RAB27A: variants seen among roughly 807,000 people sequenced by gnomAD.
RAB27A encodes RAB27A, member RAS oncogene family.
A neutral mutation model predicts 20.8 loss-of-function variants in RAB27A; 17 were observed. The observed-to-expected ratio is 0.82, with a 90% CI of 0.56 to 1.23. RAB27A has a LOEUF of 1.23. Among genes scored for constraint, RAB27A ranks in the 50% most tolerant of loss-of-function variants. RAB27A has a pLI of 0.00. For missense variants in RAB27A, 277 were observed against 266.7 expected (o/e 1.04, Z -0.27); for synonymous variants, 85 against 92.8 (o/e 0.92, Z 0.48).
chr15:55,235,319 A>C (rs1896210052), intron 2 of RAB27A, among the ~76,000 whole-genome samples: 1 of 151,994 alleles, frequency 6.6e-6, no homozygotes, highest in Non-Finnish European at 1.5e-5. Flanking sequence ...ATGGTGGTGC[A>C]TGCCTATAAT....
chr15:55,205,742 A>C, intron 6 of RAB27A, 37 bp from the exon 7 acceptor site: 1 of 1,532,616 alleles, frequency 6.5e-7, no homozygotes, highest in Non-Finnish European at 9.0e-7. Context: ...CAACATGTGG[A>C]GGGAAAGGAG....
At chr15:55,237,174 T>C (rs893727448) in intron 2 of RAB27A, 7 of 152,226 alleles carry the variant, frequency 4.6e-5, no homozygotes, top group African/African-American at 1.7e-4. Flanking sequence ...CCCAGCACCA[T>C]ATCCAGAAAC....
At chr15:55,300,275 T>C (rs2054966534) in intron 2 of RAB27A, among the ~76,000 whole-genome samples, 1 of 152,132 alleles carries the variant, frequency 6.6e-6, no homozygotes, top group South Asian at 2.1e-4. Context: ...TATATATAAG[T>C]ATACATAGAC....
rs113276554 is a variant in RAB27A, at chr15:55,278,484, T to TA, written c.-142-8201_-142-8200insT. Reference sequence around the variant, plus strand: ...TATTCAGTCTTCTAATCATTATTATTTTTTTTTTTTTTTTTTGAGAGGGAG... The same window carrying TA: ...TATTCAGTCTTCTAATCATTATTATTATTTTTTTTTTTTTTTTGAGAGGGAG... On this transcript the variant is annotated intron_variant, in intron 1 of 6. Coordinates refer to ENST00000336787, the MANE Select transcript of RAB27A (RefSeq NM_183235.3). 9.4e-4 allele frequency among the ~76,000 whole-genome samples: 49 copies of TA among 52,286 alleles called. 1 individual carries two copies. The East Asian group carries it at 0.029, about 31-fold the overall frequency. The allele number at this position is 52,286 out of a possible 152,430, so 34.3% of individuals were successfully genotyped here. A position where few individuals can be genotyped will look rare whatever the true frequency, so the allele number is the denominator to read the frequency against.
At chr15:55,226,535 G>C (rs1895804610) in intron 5 of RAB27A, among the ~76,000 whole-genome samples, 2 of 151,910 alleles carry the variant, frequency 1.3e-5, no homozygotes, top group East Asian at 3.9e-4. Flanking sequence ...GTGTGTGTGT[G>C]AGTGTGTATT....
At chr15:55,256,243 T>C (rs1897074693) in intron 2 of RAB27A, among the ~76,000 whole-genome samples, 1 of 151,764 alleles carries the variant, frequency 6.6e-6, no homozygotes, top group East Asian at 1.9e-4. Context: ...AATGAGATGC[T>C]GTTGTACAAA....
At chr15:55,300,943 T>A (rs1200172336) in intron 2 of RAB27A, among the ~76,000 whole-genome samples, 1 of 152,182 alleles carries the variant, frequency 6.6e-6, no homozygotes, top group Non-Finnish European at 1.5e-5. Flanking sequence ...ATAACCATTC[T>A]CTTGCTCTTT....
rs917788383 is a variant in RAB27A, at chr15:55,256,802, G to T, written c.-23+13363C>A. On this transcript the variant is annotated intron_variant, in intron 2 of 6. Coordinates refer to ENST00000336787, the MANE Select transcript of RAB27A (RefSeq NM_183235.3). The stretch of plus-strand genomic sequence containing the variant: ...CTGCAGGCCTTGTTTTATCAAATAT[G>T]AAATAAGAGGTTTGACCACAATGGT... 1.1e-4 allele frequency among the ~76,000 whole-genome samples: 17 copies of T among 152,304 alleles called. No individual in the cohort carries two copies. The South Asian group carries it at 2.5e-3, about 22-fold the overall frequency.
chr15:55,249,671 G>C (rs1896817076), intron 2 of RAB27A, among the ~76,000 whole-genome samples: 1 of 152,148 alleles, frequency 6.6e-6, no homozygotes, highest in Admixed American at 6.5e-5. Context: ...TTCTAGTCAA[G>C]CTAGTTAGTT....
intron 2 of RAB27A, among the ~76,000 whole-genome samples, chr15:55,295,196 G>C (rs900440855): frequency 6.6e-6 from 1 of 152,064 alleles, no homozygotes; most frequent in Non-Finnish European, 1.5e-5. Flanking sequence ...GAAAGAGAAA[G>C]AAGGAAGGAG....
At chr15:55,262,932 T>C (rs1366406635) in intron 2 of RAB27A, among the ~76,000 whole-genome samples, 1 of 152,188 alleles carries the variant, frequency 6.6e-6, no homozygotes, top group Non-Finnish European at 1.5e-5. Flanking sequence ...CATATTTTTA[T>C]CAGGTCAAGG....
At chr15:55,290,891 C>G (rs1351117643), upstream of RAB27A, among the ~76,000 whole-genome samples, 1 of 152,218 alleles carries the variant, frequency 6.6e-6, no homozygotes, top group Non-Finnish European at 1.5e-5. Flanking sequence ...CCTTCTAAGC[C>G]GTCTCGCTGA....
chr15:55,259,991 A>AATTGC (rs1323137181), intron 2 of RAB27A: 1 of 152,218 alleles, frequency 6.6e-6, no homozygotes, highest in Non-Finnish European at 1.5e-5. Flanking sequence ...TTCTTATTGG[A>AATTGC]ATTGCATTGC....
chr15:55,210,642 G>A (rs953898450), intron 6 of RAB27A, among the ~76,000 whole-genome samples: 1 of 151,932 alleles, frequency 6.6e-6, no homozygotes, highest in Non-Finnish European at 1.5e-5. Context: ...TGAGTTATTT[G>A]AGCCCCTTAT....
At chr15:55,228,885 C>T (rs745621830) in intron 4 of RAB27A, among the ~76,000 whole-genome samples, 173 bp from the exon 5 acceptor site, 4 of 152,152 alleles carry the variant, frequency 2.6e-5, no homozygotes, top group Non-Finnish European at 5.9e-5. Context: ...TAAGTGTTAA[C>T]AGACCATGTG....
intron 5 of RAB27A, among the ~76,000 whole-genome samples, chr15:55,228,312 T>A (rs552296891): frequency 1.4e-4 from 21 of 152,310 alleles, no homozygotes; most frequent in African/African-American, 4.8e-4. Context: ...TACTTCCTCA[T>A]CTACGAAATG....
At chr15:55,317,665 ATCTTT>A (rs910454900) in intron 1 of RAB27A, 14 of 398,596 alleles carry the variant, frequency 3.5e-5, no homozygotes, top group African/African-American at 1.6e-4. Context: ...TACCAACTGC[ATCTTT>A]TCTTTTAATT....
Position 55,245,264 on chromosome 15 carries a change from C to A in RAB27A, c.-22-10308G>T, listed in dbSNP as rs925506487. Among the ~76,000 whole-genome samples, 3 of 152,186 alleles carry A rather than the reference C, an allele frequency of 2.0e-5. 1 individual carries two copies. The highest frequency in any genetic ancestry group is 2.1e-4 in the South Asian group (1 of 4,824). ...GCCTATGTCTTCCGTGCAGTTTACT[C>A]ATCTCAACTTCTGGTCTAGATGTGC... On this transcript the variant is annotated intron_variant, in intron 2 of 6. Coordinates refer to ENST00000336787, the MANE Select transcript of RAB27A (RefSeq NM_183235.3).
At chr15:55,311,612 G>A (rs1020642383) in intron 2 of RAB27A, among the ~76,000 whole-genome samples, 16 of 152,138 alleles carry the variant, frequency 1.1e-4, no homozygotes, top group African/African-American at 3.6e-4. Context: ...TGTACATATG[G>A]CACTTCACTC....
Sources: allele counts gnomAD v4.1 joint callset (sites outside exome capture counted in the v4.1 genomes callset), GRCh38; gene constraint gnomAD v4.1.1; transcripts MANE v1.5; gene names NCBI Gene and HGNC (gene_info 2026-07-23, HGNC 2026-07-21).